Variants in EXOC6B observed in about 807,000 individuals in gnomAD.
The protein encoded by EXOC6B is exocyst complex component 6B.
EXOC6B carries 54 observed loss-of-function variants against 113.5 expected under a neutral mutation model. The observed-to-expected ratio is 0.48, with a 90% CI of 0.38 to 0.60. EXOC6B has a LOEUF of 0.60. EXOC6B is among the 20% of genes least tolerant of loss of function. EXOC6B has a pLI of 0.00. For synonymous variants in EXOC6B, 357 were observed against 339.0 expected (o/e 1.05, Z -0.58); for missense variants, 797 against 977.5 (o/e 0.82, Z 2.46).
intron 1 of EXOC6B, among the ~76,000 whole-genome samples, chr2:72,801,045 ATATCAGAATACG>A (rs1174725134): frequency 6.6e-6 from 1 of 152,226 alleles, no homozygotes; most frequent in Non-Finnish European, 1.5e-5. Flanking sequence ...GTGCTTAGGA[ATATCAGAATACG>A]TATTTGGGCT....
intron 8 of EXOC6B, among the ~76,000 whole-genome samples, chr2:72,550,781 T>C (rs552372772): frequency 6.6e-6 from 1 of 152,278 alleles, no homozygotes; most frequent in African/African-American, 2.4e-5. Flanking sequence ...AATTTGTATA[T>C]TGACGACAGA....
chr2:72,197,019 G>A (rs1216288606), intron 20 of EXOC6B, among the ~76,000 whole-genome samples: 2 of 152,136 alleles, frequency 1.3e-5, no homozygotes, highest in Non-Finnish European at 2.9e-5. Context: ...CATGATTTAG[G>A]TAAACAGAAG....
rs1239810593 is a variant in EXOC6B, at chr2:72,179,436, T to C, written c.2335A>G (p.Asn779Asp). ...EKMKDTSRKN[N>D]MFAQFRKNER... ...TTTTTCCGAAACTGTGCAAACATGTTGTTCTTGCGGCTAGTATCCTTCATC... is the reference window on the plus strand; with the variant it reads ...TTTTTCCGAAACTGTGCAAACATGTCGTTCTTGCGGCTAGTATCCTTCATC... Residue 779 changes from asparagine (N) to aspartate (D), a missense_variant, in exon 22 of 22, where the codon AAC (asparagine) becomes GAC (aspartate). Transcript: ENST00000272427. 16 of 1,613,782 alleles carry C rather than the reference T, an allele frequency of 9.9e-6. No homozygotes were observed. The highest frequency in any genetic ancestry group is 1.3e-5 in the Non-Finnish European group (15 of 1,179,900).
chr2:72,483,235 A>AG (rs1699209745), intron 16 of EXOC6B, among the ~76,000 whole-genome samples: 1 of 152,192 alleles, frequency 6.6e-6, no homozygotes, highest in African/African-American at 2.4e-5. Flanking sequence ...CATCTTCCTG[A>AG]GTGGGAAGGT....
intron 1 of EXOC6B, among the ~76,000 whole-genome samples, chr2:72,787,099 T>C (rs1247809594): frequency 6.6e-6 from 1 of 152,202 alleles, no homozygotes; most frequent in African/African-American, 2.4e-5. Context: ...AAATATATTA[T>C]ATATTGTTGG....
chr2:72,209,797 C>T (rs553339554), intron 20 of EXOC6B, among the ~76,000 whole-genome samples: 3 of 152,230 alleles, frequency 2.0e-5, no homozygotes, highest in South Asian at 4.1e-4. Flanking sequence ...ACTCATCCTG[C>T]GTGTGTCAAA....
chr2:72,228,538 A>G (rs1182615752), intron 20 of EXOC6B, among the ~76,000 whole-genome samples: 1 of 151,226 alleles, frequency 6.6e-6, no homozygotes, highest in Non-Finnish European at 1.5e-5. Flanking sequence ...TCCTTGCGAT[A>G]GTTTGCTGAG....
intron 18 of EXOC6B, among the ~76,000 whole-genome samples, chr2:72,444,524 T>C (rs543392039): frequency 6.6e-6 from 1 of 152,336 alleles, no homozygotes; most frequent in Non-Finnish European, 1.5e-5. Context: ...TAGCAGAGGT[T>C]CTCCATGAGA....
rs374216608 is a variant in EXOC6B at position 72,255,585 on chromosome 2, T to C, written c.2197-71398A>G. Among the ~76,000 whole-genome samples, 8 of 152,176 alleles carry C rather than the reference T, an allele frequency of 5.3e-5. No homozygotes were observed. The East Asian group carries it at 1.4e-3, about 26-fold the overall frequency. On this transcript the variant is annotated intron_variant, in intron 20 of 21. Transcript: ENST00000272427. The stretch of plus-strand genomic sequence containing the variant: ...CCTTTATTCTCTCAGTTTCCCCCTT[T>C]TGGAATGAAAATGTCTATTGTATCC...
At chr2:72,398,817 A>G (rs2105146968) in intron 18 of EXOC6B, among the ~76,000 whole-genome samples, 1 of 152,164 alleles carries the variant, frequency 6.6e-6, no homozygotes, top group Non-Finnish European at 1.5e-5. Flanking sequence ...AGAGAGAATA[A>G]GCAAGTCTTA....
intron 1 of EXOC6B, among the ~76,000 whole-genome samples, chr2:72,764,132 C>T (rs1682914581): frequency 6.6e-6 from 1 of 152,092 alleles, no homozygotes; most frequent in South Asian, 2.1e-4. Flanking sequence ...TTCCCTTTAT[C>T]CATTTTAGAT....
At chr2:72,635,047 T>A (rs992475283) in intron 6 of EXOC6B, among the ~76,000 whole-genome samples, 1 of 151,852 alleles carries the variant, frequency 6.6e-6, no homozygotes, top group African/African-American at 2.4e-5. Context: ...AAACCAAAAT[T>A]AGTAGGATAT....
intron 6 of EXOC6B, among the ~76,000 whole-genome samples, chr2:72,685,880 A>C (rs1237427552): frequency 6.6e-6 from 1 of 152,244 alleles, no homozygotes; most frequent in Non-Finnish European, 1.5e-5. Flanking sequence ...ATAAACAACA[A>C]GAATTTGGCT....
chr2:72,565,654 T>C (rs975597253), intron 7 of EXOC6B, among the ~76,000 whole-genome samples: 1 of 152,074 alleles, frequency 6.6e-6, no homozygotes, highest in African/African-American at 2.4e-5. Flanking sequence ...AAGCAGTTTA[T>C]GAAAAAGATA....
At chr2:72,541,462 C>G (rs1241413078) in intron 8 of EXOC6B, among the ~76,000 whole-genome samples, 1 of 151,994 alleles carries the variant, frequency 6.6e-6, no homozygotes, top group Non-Finnish European at 1.5e-5. Flanking sequence ...ACTATAGTCT[C>G]TTGGTAATTA....
intron 20 of EXOC6B, among the ~76,000 whole-genome samples, chr2:72,271,610 T>TAGGGAAAAA (rs1684488352): frequency 6.6e-6 from 1 of 151,362 alleles, no homozygotes; most frequent in Admixed American, 6.6e-5. Context: ...CTTTTGATTT[T>TAGGGAAAAA]AGGGAAAAAA....
chr2:72,336,869 T>G, intron 19 of EXOC6B, among the ~76,000 whole-genome samples: 1 of 152,082 alleles, frequency 6.6e-6, no homozygotes, highest in East Asian at 1.9e-4. Flanking sequence ...TAGCTGGGCA[T>G]GGTGACACAT....
rs759515096 is a variant in EXOC6B at position 72,741,394 on chromosome 2, T to C, written c.189A>G (p.Glu63=). The C allele has an allele frequency of 5.0e-6, 8 of 1,613,708 alleles. No individual in the cohort carries two copies. The highest frequency in any genetic ancestry group is 8.5e-7 in the Non-Finnish European group (1 of 1,179,854). ...AATGAAAGTTGCACATTTTCTCAAT[T>C]TCTCGGTCGTGATTACGGATACGAG... ...LETRIRNHDR[E]IEKMCNFHYQ... The change falls in exon 2 of 22, where the codon GAA becomes GAG. Residue 63 remains glutamate (E), a synonymous_variant. Coordinates refer to ENST00000272427, the MANE Select transcript of EXOC6B (RefSeq NM_015189.3).
intron 1 of EXOC6B, among the ~76,000 whole-genome samples, chr2:72,822,395 GCCTTTCAGAATTAC>G (rs1686632953): frequency 6.6e-6 from 1 of 152,092 alleles, no homozygotes; most frequent in Non-Finnish European, 1.5e-5. Context: ...ATATGCTTGG[GCCTTTCAGAATTAC>G]AATGAAAAAG....
Sources: gnomAD v4.1 joint callset for allele counts (sites outside exome capture counted in the v4.1 genomes callset) on GRCh38, gnomAD v4.1.1 for gene constraint, MANE v1.5 for transcripts, NCBI Gene and HGNC (gene_info 2026-07-23, HGNC 2026-07-21) for gene names.